CDH4: variants seen among roughly 807,000 people sequenced by gnomAD.
CDH4 encodes cadherin-4.
CDH4 carries 33 observed loss-of-function variants against 86.0 expected under a neutral mutation model. The ratio of observed to expected loss-of-function variants is 0.38; its 90% CI spans 0.29 to 0.51. The LOEUF (loss-of-function observed/expected upper bound fraction) is 0.51. Ranked by LOEUF, CDH4 falls within the 20% of genes least tolerant of loss-of-function variation. The pLI, the probability that CDH4 is intolerant of heterozygous loss-of-function variation, is 0.86. For synonymous variants in CDH4, 555 were observed against 549.4 expected, an observed-to-expected ratio of 1.01 and a Z score of -0.14; for missense variants, 1,114 against 1,307.4, an observed-to-expected ratio of 0.85 and a Z score of 2.28.
At chr20:61,362,639 A>G (rs572019241) in intron 2 of CDH4, among the ~76,000 whole-genome samples, 76 of 152,258 alleles carry the variant, frequency 5.0e-4, no homozygotes, top group African/African-American at 1.8e-3. Context: ...TCAGCGGGTC[A>G]GGATGGGGGA....
chr20:61,672,581 C>T lies in CDH4; in HGVS notation c.170-70982C>T, dbSNP rs375905595. Among the ~76,000 whole-genome samples, 111 of 152,248 alleles carry T rather than the reference C, an allele frequency of 7.3e-4. 3 individuals are homozygous for T. In the South Asian group the frequency reaches 0.022, roughly 30 times the overall value. On this transcript the variant is annotated intron_variant, in intron 2 of 15. Transcript: ENST00000614565. ...CTCTGTGAGAAATGAGGTGTGATTC[C>T]AATGAGTGAAACTGCCCATAGTCAG...
intron 2 of CDH4, among the ~76,000 whole-genome samples, chr20:61,600,995 C>G (rs1228467046): frequency 6.6e-6 from 1 of 152,170 alleles, no homozygotes; most frequent in Non-Finnish European, 1.5e-5. Context: ...GAGTGCCCTT[C>G]CCTGAAACAG....
intron 3 of CDH4, among the ~76,000 whole-genome samples, chr20:61,772,226 A>ACACACAGGACC: frequency 6.6e-6 from 1 of 152,316 alleles, no homozygotes; most frequent in African/African-American, 2.4e-5. Flanking sequence ...TTTTGTACAT[A>ACACACAGGACC]CACACAGGTG....
chr20:61,728,407 G>A (rs930590074), intron 2 of CDH4, among the ~76,000 whole-genome samples: 7 of 152,116 alleles, frequency 4.6e-5, no homozygotes, highest in African/African-American at 1.7e-4. Context: ...CTAAAACTCT[G>A]CTTGAGTTTG....
chr20:61,400,587 C>T lies in CDH4; in HGVS notation c.169+145650C>T, dbSNP rs141368159. Among the ~76,000 whole-genome samples the T allele has an allele frequency of 2.8e-4, 42 of 152,322 alleles. No homozygotes were observed. In the East Asian group the frequency reaches 5.2e-3, roughly 19 times the overall value. On this transcript the variant is annotated intron_variant, in intron 2 of 15. Coordinates refer to ENST00000614565, the MANE Select transcript of CDH4 (RefSeq NM_001794.5). Reference sequence around the variant, plus strand: ...GTAGGGACTCTGCTCCATATGGTCACGCATGGATCCAGTCTCCACCGTCTC... The same window carrying T: ...GTAGGGACTCTGCTCCATATGGTCATGCATGGATCCAGTCTCCACCGTCTC...
At chr20:61,263,705 C>G (rs2084140460) in intron 2 of CDH4, among the ~76,000 whole-genome samples, 1 of 152,174 alleles carries the variant, frequency 6.6e-6, no homozygotes, top group African/African-American at 2.4e-5. Flanking sequence ...AAGTTATTAT[C>G]TTGTGGTTCT....
Position 61,252,337 on chromosome 20 carries a change from CCCGGAG to C in CDH4, c.-172_-167del. 1 of 160,204 alleles carries C rather than the reference CCCGGAG, an allele frequency of 6.2e-6. No individual in the cohort carries two copies. Among genetic ancestry groups the C allele is most frequent in the Non-Finnish European group, 1.3e-5 (1 of 78,178 alleles). The allele number at this position is 160,204 out of a possible 1,614,324, so 9.9% of individuals were successfully genotyped here. On this transcript the variant is annotated 5_prime_UTR_variant, in exon 1 of 16. Coordinates refer to ENST00000614565, the MANE Select transcript of CDH4 (RefSeq NM_001794.5). This position sits in a 1 kb window ranked among gnomAD's most constrained non-coding sequence, Gnocchi z 4.4. ...GCCGCCGGCCGGACTTGGCCTGGCT[CCCGGAG>C]CCGGGGCGGCGAGCGCGGCGGGCGC...
chr20:61,570,649 A>T (rs774565077), intron 2 of CDH4: 3 of 702,304 alleles, frequency 4.3e-6, no homozygotes, highest in Non-Finnish European at 5.2e-6. Context: ...GTTTTTCACA[A>T]TGGTATTGGG....
At chr20:61,919,169 C>T (rs755382528) in intron 9 of CDH4, among the ~76,000 whole-genome samples, 34 of 152,314 alleles carry the variant, frequency 2.2e-4, no homozygotes, top group Non-Finnish European at 3.5e-4. Context: ...CCGCACCTGG[C>T]CTTATTGATG....
intron 2 of CDH4, among the ~76,000 whole-genome samples, chr20:61,690,604 C>T (rs1289614615): frequency 2.0e-5 from 3 of 152,066 alleles, no homozygotes; most frequent in Non-Finnish European, 4.4e-5. Flanking sequence ...TGTTCCTGTT[C>T]GGAGTGCTCT....
At chr20:61,707,389 G>C (rs746201087) in intron 2 of CDH4, among the ~76,000 whole-genome samples, 56 of 152,356 alleles carry the variant, frequency 3.7e-4, no homozygotes, top group Non-Finnish European at 5.7e-4. Flanking sequence ...CTGTTATACA[G>C]GGAAAGGACA....
chr20:61,296,261 G>T (rs1175889173), intron 2 of CDH4, among the ~76,000 whole-genome samples: 2 of 10,514 alleles, frequency 1.9e-4, no homozygotes, highest in African/African-American at 2.4e-4. Context: ...GTGCATGTGT[G>T]CGTGTGTGTG....
chr20:61,827,064 G>A (rs1981359527), intron 4 of CDH4, among the ~76,000 whole-genome samples: 1 of 151,942 alleles, frequency 6.6e-6, no homozygotes, highest in Non-Finnish European at 1.5e-5. Context: ...GAACAAATGT[G>A]GGGAAGGAAG....
At chr20:61,596,855 TG>T (rs1157357148) in intron 2 of CDH4, among the ~76,000 whole-genome samples, 2 of 152,212 alleles carry the variant, frequency 1.3e-5, no homozygotes, top group Non-Finnish European at 2.9e-5. Context: ...ATTAGCAGCC[TG>T]GTGCAGCCTG....
At chr20:61,715,606 AACTCAAACAC>A (rs2087944212) in intron 2 of CDH4, among the ~76,000 whole-genome samples, 1 of 152,190 alleles carries the variant, frequency 6.6e-6, no homozygotes, top group South Asian at 2.1e-4. Context: ...TTAAGTTTCC[AACTCAAACAC>A]ATTCAAACCA....
rs148611068 is a variant in CDH4 at position 61,844,573 on chromosome 20, C to T, written c.577-95C>T. Reference sequence around the variant, plus strand: ...CATTGTACCTGAAAATGGTCGAGCTCGAGGAACTCATGAGAGGGGATGAAT... The same window carrying T: ...CATTGTACCTGAAAATGGTCGAGCTTGAGGAACTCATGAGAGGGGATGAAT... On this transcript the variant is annotated intron_variant, in intron 4 of 15. Transcript: ENST00000614565. The T allele has an allele frequency of 1.1e-4, 136 of 1,234,158 alleles. No individual in the cohort carries two copies. The African/African-American group carries it at 1.7e-3, about 16-fold the overall frequency. 76.5% of individuals were successfully genotyped at this position (1,234,158 alleles called of 1,614,324 possible).
intron 2 of CDH4, among the ~76,000 whole-genome samples, chr20:61,662,278 G>A (rs903793953): frequency 3.9e-5 from 6 of 152,352 alleles, no homozygotes; most frequent in East Asian, 1.9e-4. Flanking sequence ...GGGAATGGCC[G>A]TGGCAGAGGT....
intron 3 of CDH4, among the ~76,000 whole-genome samples, chr20:61,764,579 C>G (rs1302670104): frequency 6.6e-6 from 1 of 152,092 alleles, no homozygotes; most frequent in African/African-American, 2.4e-5. Flanking sequence ...GCGCAGGGCC[C>G]CCCGAGCAGC....
intron 2 of CDH4, among the ~76,000 whole-genome samples, chr20:61,630,556 C>T (rs1387705014): frequency 1.3e-5 from 2 of 152,188 alleles, no homozygotes; most frequent in African/African-American, 2.4e-5. Context: ...CCAGGCTCCC[C>T]GTTTTGCACT....
Sources: gnomAD v4.1 joint callset for allele counts (sites outside exome capture counted in the v4.1 genomes callset) on GRCh38, gnomAD v4.1.1 for gene constraint, Gnocchi (gnomAD v3.1) non-coding constraint, MANE v1.5 for transcripts, NCBI Gene and HGNC (gene_info 2026-07-23, HGNC 2026-07-21) for gene names.